KDM4B: variants seen among roughly 807,000 people sequenced by gnomAD.
KDM4B encodes lysine demethylase 4B.
In KDM4B, 32 loss-of-function variants were observed where a neutral mutation model predicts 125.2. That is an observed-to-expected ratio of 0.26 (90% CI 0.19 to 0.34). The LOEUF (loss-of-function observed/expected upper bound fraction) is 0.34, where lower values mean the gene tolerates loss of function less well. Among genes scored for constraint, KDM4B ranks in the 10% least tolerant of loss-of-function variants. The pLI is 1.00. For missense variants in KDM4B, 1,190 were observed against 1,577.7 expected, an observed-to-expected ratio of 0.75 and a Z score of 4.16; for synonymous variants, 721 against 677.9, an observed-to-expected ratio of 1.06 and a Z score of -0.99.
chr19:5,059,531 T>C (rs1479931506), intron 6 of KDM4B, among the ~76,000 whole-genome samples: 1 of 152,232 alleles, frequency 6.6e-6, no homozygotes, highest in African/African-American at 2.4e-5. Flanking sequence ...CCCAGCATCC[T>C]GCGGCCTCTG....
chr19:5,071,819 G>T (rs946136783), intron 7 of KDM4B, among the ~76,000 whole-genome samples: 1 of 152,202 alleles, frequency 6.6e-6, no homozygotes, highest in Non-Finnish European at 1.5e-5. Context: ...CAAGTTTCAT[G>T]ACACCTCACT....
Position 5,033,713 on chromosome 19 carries a change from C to G in KDM4B, c.141+682C>G, listed in dbSNP as rs78124758. On this transcript the variant is annotated intron_variant, in intron 3 of 22. Coordinates refer to ENST00000159111, the MANE Select transcript of KDM4B (RefSeq NM_015015.3). Reference sequence around the variant, plus strand: ...TCCTCCCTGTCCCGACCCAGTCCCCCACCCTCTCCCTGGAAGCAGCACTGT... The same window carrying G: ...TCCTCCCTGTCCCGACCCAGTCCCCGACCCTCTCCCTGGAAGCAGCACTGT... 9.8e-3 allele frequency among the ~76,000 whole-genome samples: 1,494 copies of G among 152,318 alleles called. 16 individuals are homozygous for G. The highest frequency in any genetic ancestry group is 0.017 in the Non-Finnish European group (1,130 of 68,032).
At chr19:5,077,234 CTGGGCCGTGCTCTGTGCTCCCACA>C in intron 7 of KDM4B, 109 bp from the exon 8 acceptor site, 2 of 741,552 alleles carry the variant, frequency 2.7e-6, no homozygotes, top group Non-Finnish European at 4.6e-6. Flanking sequence ...AAGGGCAGAT[CTGGGCCGTGCTCTGTGCTCCCACA>C]CGCCCGCTCT....
At chr19:5,057,331 G>A (rs771210411) in intron 6 of KDM4B, among the ~76,000 whole-genome samples, 2 of 152,186 alleles carry the variant, frequency 1.3e-5, no homozygotes, top group Non-Finnish European at 2.9e-5. Flanking sequence ...GCTCAATGGT[G>A]TGTGTGTAAG....
chr19:5,138,310 G>A, intron 18 of KDM4B: 1 of 542,396 alleles, frequency 1.8e-6, no homozygotes, highest in Non-Finnish European at 3.3e-6. Flanking sequence ...GAGATAAGCA[G>A]GCCCCGTCAG....
At chr19:5,084,324 A>T (rs1276194917) in intron 9 of KDM4B, among the ~76,000 whole-genome samples, 1 of 145,518 alleles carries the variant, frequency 6.9e-6, no homozygotes, top group Non-Finnish European at 1.5e-5. Flanking sequence ...TAATTTATAT[A>T]TTGTATATAA....
chr19:5,121,194 C>T (rs1192793373), intron 11 of KDM4B, among the ~76,000 whole-genome samples: 6 of 152,106 alleles, frequency 3.9e-5, no homozygotes, highest in Non-Finnish European at 8.8e-5. Flanking sequence ...TCACAGTTTG[C>T]CAGTGCCTGT....
chr19:5,063,663 C>T (rs10404703), intron 6 of KDM4B, among the ~76,000 whole-genome samples: 12,375 of 152,290 alleles, frequency 0.081, 548 homozygotes, highest in Middle Eastern at 0.11. Flanking sequence ...AGGCAGGGAC[C>T]GTGGCTCTCT....
intron 1 of KDM4B, among the ~76,000 whole-genome samples, chr19:5,013,601 G>A (rs915577704): frequency 2.0e-5 from 3 of 152,204 alleles, no homozygotes; most frequent in African/African-American, 4.8e-5. Flanking sequence ...CGCATCCCTC[G>A]GCTTGGGGCC....
rs138307827 is a variant in KDM4B at position 5,069,158 on chromosome 19, G to A, written c.627-1852G>A. Among the ~76,000 whole-genome samples, 14 of 152,266 alleles carry A rather than the reference G, an allele frequency of 9.2e-5. No individual in the cohort carries two copies. The East Asian group carries it at 2.3e-3, about 25-fold the overall frequency. ...AGACAGTGGAAGACTCTCTGAGGACGACAGAGTTGAAGGTGCTGGGGTCGC... is the reference window on the plus strand; with the variant it reads ...AGACAGTGGAAGACTCTCTGAGGACAACAGAGTTGAAGGTGCTGGGGTCGC... On this transcript the variant is annotated intron_variant, in intron 6 of 22. Coordinates refer to ENST00000159111, the MANE Select transcript of KDM4B (RefSeq NM_015015.3).
chr19:5,066,219 G>A (rs904938135), intron 6 of KDM4B, among the ~76,000 whole-genome samples: 23 of 152,354 alleles, frequency 1.5e-4, no homozygotes, highest in African/African-American at 5.3e-4. Flanking sequence ...TTCTTGGGTG[G>A]CAGTAAAGTG....
chr19:5,013,747 C>G (rs1406335894), intron 1 of KDM4B, among the ~76,000 whole-genome samples: 7 of 152,218 alleles, frequency 4.6e-5, no homozygotes, highest in African/African-American at 1.7e-4. Context: ...TAACTCAGTC[C>G]CATCCGCAAA....
chr19:5,088,436 C>A (rs771164745), intron 9 of KDM4B, among the ~76,000 whole-genome samples: 1 of 152,254 alleles, frequency 6.6e-6, no homozygotes, highest in Non-Finnish European at 1.5e-5. Context: ...AACCCTCACT[C>A]CCCTGGCCCC....
intron 6 of KDM4B, among the ~76,000 whole-genome samples, chr19:5,063,849 C>G: frequency 6.6e-6 from 1 of 152,362 alleles, no homozygotes; most frequent in South Asian, 2.1e-4. Context: ...GTCCCTGGCC[C>G]GGTCACCATG....
chr19:5,120,850 GC>G (rs1405253572), intron 11 of KDM4B, among the ~76,000 whole-genome samples: 2 of 152,164 alleles, frequency 1.3e-5, no homozygotes, highest in Non-Finnish European at 2.9e-5. Context: ...ACCAAGGGCT[GC>G]CCCCAGCCAC....
intron 12 of KDM4B, 145 bp downstream of exon 12, chr19:5,131,690 G>A (rs2039559571): frequency 2.9e-6 from 2 of 699,562 alleles, no homozygotes; most frequent in Admixed American, 2.8e-5. Flanking sequence ...GTTTCACAGG[G>A]AACTGTGGCT....
rs555486221 is a variant in KDM4B at position 5,040,644 on chromosome 19, G to A, written c.318-493G>A. ...CACAGCCACGTAGCCTCCGTGCTGC[G>A]CAGGCCTGTCCCGTCGCCGTGCCCT... On this transcript the variant is annotated intron_variant, in intron 4 of 22. Coordinates refer to ENST00000159111, the MANE Select transcript of KDM4B (RefSeq NM_015015.3). 2.9e-3 allele frequency among the ~76,000 whole-genome samples: 407 copies of A among 141,706 alleles called. 5 individuals are homozygous for A. The highest frequency in any genetic ancestry group is 4.3e-3 in the Non-Finnish European group (282 of 65,296). 93.0% of individuals were successfully genotyped at this position (141,706 alleles called of 152,430 possible). A position where few individuals can be genotyped will look rare whatever the true frequency, so the allele number is the denominator to read the frequency against.
At position 5,143,838 on chromosome 19, in the gene KDM4B, C is replaced by T. The variant is rs2039788650; in HGVS notation, c.2551-129C>T. 1.3e-5 allele frequency: 10 copies of T among 741,756 alleles called. 1 individual carries two copies. Among genetic ancestry groups the T allele is most frequent in the African/African-American group, 8.8e-5 (5 of 56,736 alleles). 45.9% of individuals were successfully genotyped at this position (741,756 alleles called of 1,614,324 possible). Reference sequence around the variant, plus strand: ...TCTGGGCTGTGGAGGGGAACCCTCACTGGGCAGAGCGCAGGGCCACTCCCG... The same window carrying T: ...TCTGGGCTGTGGAGGGGAACCCTCATTGGGCAGAGCGCAGGGCCACTCCCG... On this transcript the variant is annotated intron_variant, in intron 18 of 22. Transcript: ENST00000159111.
chr19:5,041,270 G>T lies in KDM4B; in HGVS notation c.432+19G>T, dbSNP rs748548535. The T allele has an allele frequency of 1.3e-6, 2 of 1,580,068 alleles. No homozygotes were observed. The highest frequency in any genetic ancestry group is 1.1e-5 in the South Asian group (1 of 90,242). The stretch of plus-strand genomic sequence containing the variant: ...TGATGACGTAAGTATGAGGCTCCGG[G>T]GAAGAACAGGGACCAGCTTCCTGGT... On this transcript the variant is annotated intron_variant, in intron 5 of 22. Coordinates refer to ENST00000159111, the MANE Select transcript of KDM4B (RefSeq NM_015015.3).
Sources: gnomAD v4.1 joint callset for allele counts (sites outside exome capture counted in the v4.1 genomes callset) on GRCh38, gnomAD v4.1.1 for gene constraint, MANE v1.5 for transcripts, NCBI Gene and HGNC (gene_info 2026-07-23, HGNC 2026-07-21) for gene names.